PCDHA3: variants seen among roughly 807,000 people sequenced by gnomAD.
The protein encoded by PCDHA3 is protocadherin alpha-3.
PCDHA3 carries 41 observed loss-of-function variants against 62.2 expected under a neutral mutation model. That is an observed-to-expected ratio of 0.66 (90% CI 0.51 to 0.86). The LOEUF is 0.86. PCDHA3 is among the 40% of genes least tolerant of loss of function. The pLI is 0.00. For synonymous variants in PCDHA3, 640 were observed against 555.4 expected, an observed-to-expected ratio of 1.15 and a Z score of -2.14; for missense variants, 1,304 against 1,241.2, an observed-to-expected ratio of 1.05 and a Z score of -0.76.
chr5:140,802,440 C>G lies in PCDHA3; in HGVS notation c.1243C>G (p.Arg415Gly), dbSNP rs782205225. Residue 415 changes from arginine (R) to glycine (G), a missense_variant, in exon 1 of 4, where the codon CGC (arginine) becomes GGC (glycine). By Grantham distance (125) the Arg-to-Gly change is moderately radical. Coordinates refer to ENST00000522353, the MANE Select transcript of PCDHA3 (RefSeq NM_018906.3). ...YSLVLDSPLD[R>G]ESVSAYELVV... The stretch of plus-strand genomic sequence containing the variant: ...ATTGGTGCTGGACAGCCCTCTGGAC[C>G]GCGAGAGCGTGTCGGCCTATGAGCT... 5.6e-6 allele frequency: 9 copies of G among 1,614,204 alleles called. No individual in the cohort carries two copies. The South Asian group carries it at 7.7e-5, about 14-fold the overall frequency.
At chr5:140,873,336 C>A (rs1436932142) in intron 1 of PCDHA3, among the ~76,000 whole-genome samples, 1 of 152,168 alleles carries the variant, frequency 6.6e-6, no homozygotes, top group African/African-American at 2.4e-5. Flanking sequence ...ATACATTACT[C>A]ATCTCCAGAT....
chr5:140,869,442 G>A (rs782686984), intron 1 of PCDHA3: 3 of 1,614,208 alleles, frequency 1.9e-6, no homozygotes, highest in African/African-American at 1.3e-5. Flanking sequence ...TGGACAGGCC[G>A]CTGCAGGTTT....
chr5:140,859,387 C>A, intron 1 of PCDHA3: 2 of 268,138 alleles, frequency 7.5e-6, no homozygotes, highest in South Asian at 8.3e-5. Context: ...CTTCTCTAGT[C>A]ATCTTAAACA....
chr5:140,853,607 T>C, intron 1 of PCDHA3: 1 of 987,062 alleles, frequency 1.0e-6, no homozygotes, highest in Non-Finnish European at 1.2e-6. Context: ...GCAAAGGGGG[T>C]GCTGTAAATA....
In PCDHA3 at chr5:140,848,080, C is replaced by T. The variant is rs114595741; in HGVS notation, c.2394+44489C>T. 638 of 165,510 alleles carry T rather than the reference C, an allele frequency of 3.9e-3. 35 individuals carry two copies. Among genetic ancestry groups the T allele is most frequent in the African/African-American group, 0.014 (569 of 41,328 alleles). 10.3% of individuals were successfully genotyped at this position (165,510 alleles called of 1,614,324 possible). A position where few individuals can be genotyped will look rare whatever the true frequency, so the allele number is the denominator to read the frequency against. ...ACTTCATTTCTGTCGTTATTTAAAA[C>T]TTAAGTGGAGAGTTTTCTCAGGGAT... On this transcript the variant is annotated intron_variant, in intron 1 of 3. Transcript: ENST00000522353.
In PCDHA3 at chr5:140,803,607, T is replaced by G. The variant is rs201656415; in HGVS notation, c.2394+16T>G. On this transcript the variant is annotated intron_variant, in intron 1 of 3. Transcript: ENST00000522353. ...CTCAGCCAAAGTGAGTAATTTTTATTTATTCTTTCCAAAATGTCTTTGTTT... is the reference window on the plus strand; with the variant it reads ...CTCAGCCAAAGTGAGTAATTTTTATGTATTCTTTCCAAAATGTCTTTGTTT... 1.2e-6 allele frequency: 2 copies of G among 1,614,172 alleles called. No individual in the cohort carries two copies. The highest frequency in any genetic ancestry group is 1.7e-6 in the Non-Finnish European group (2 of 1,180,014).
chr5:140,936,941 T>C (rs547536853), intron 1 of PCDHA3, among the ~76,000 whole-genome samples: 14 of 152,342 alleles, frequency 9.2e-5, no homozygotes, highest in Non-Finnish European at 1.3e-4. Flanking sequence ...GAAAATATCT[T>C]ATTTTGATCT....
intron 1 of PCDHA3, chr5:140,882,277 T>C: frequency 1.9e-6 from 3 of 1,612,528 alleles, no homozygotes; most frequent in African/African-American, 1.3e-5. Flanking sequence ...CCATGCTGTC[T>C]TCCTGGCAAG....
chr5:140,870,194 C>G, intron 1 of PCDHA3: 1 of 1,614,168 alleles, frequency 6.2e-7, no homozygotes, highest in Non-Finnish European at 8.5e-7. Context: ...GACGCTCAGC[C>G]CAGCACGGTC....
chr5:140,981,673 C>T (rs1184909774), intron 2 of PCDHA3, among the ~76,000 whole-genome samples: 1 of 152,108 alleles, frequency 6.6e-6, no homozygotes, highest in African/African-American at 2.4e-5. Flanking sequence ...TTCCTTTCTT[C>T]CTTCCTCCCT....
chr5:140,856,108 C>A, intron 1 of PCDHA3: 1 of 1,598,026 alleles, frequency 6.3e-7, no homozygotes, highest in African/African-American at 1.3e-5. Context: ...TTCTTCTCCT[C>A]GCAGCCTGGG....
rs563178599 is a variant in PCDHA3, at chr5:140,863,384, C to G, written c.2394+59793C>G. The G allele has an allele frequency of 5.4e-5, 56 of 1,044,914 alleles. No homozygotes were observed. In the South Asian group the frequency reaches 6.5e-4, roughly 12 times the overall value. The allele number at this position is 1,044,914 out of a possible 1,614,324, so 64.7% of individuals were successfully genotyped here. On this transcript the variant is annotated intron_variant, in intron 1 of 3. Coordinates refer to ENST00000522353, the MANE Select transcript of PCDHA3 (RefSeq NM_018906.3). ...TGCTTGGCGCAGCTCACCGAGAGCT[C>G]GTGCATGCCGGGCAAGCCCACGCTG... is the stretch of plus-strand genomic sequence containing the variant.
intron 1 of PCDHA3, chr5:140,877,398 T>C: frequency 1.2e-6 from 2 of 1,613,870 alleles, no homozygotes; most frequent in Middle Eastern, 1.6e-4. Flanking sequence ...AGGCGGACGC[T>C]CCGCGCCACC....
chr5:140,971,718 G>A (rs1554233569), intron 1 of PCDHA3, among the ~76,000 whole-genome samples: 3 of 151,796 alleles, frequency 2.0e-5, no homozygotes, highest in Non-Finnish European at 2.9e-5. Flanking sequence ...ATAGATATAT[G>A]TATATCATAC....
rs2045092638 is a variant in PCDHA3, at chr5:140,858,000, A to G, written c.2394+54409A>G. The stretch of plus-strand genomic sequence containing the variant: ...CGCCAGCGCCTACTGGTGCTGGTGA[A>G]GGACCATGGCGAGCCGTCGCTGACG... On this transcript the variant is annotated intron_variant, in intron 1 of 3. Coordinates refer to ENST00000522353, the MANE Select transcript of PCDHA3 (RefSeq NM_018906.3). 1.0e-5 allele frequency: 16 copies of G among 1,596,802 alleles called. 2 individuals carry two copies. Among genetic ancestry groups the G allele is most frequent in the Non-Finnish European group, 1.4e-5 (16 of 1,167,152 alleles).
At chr5:140,944,124 G>T (rs922088265) in intron 1 of PCDHA3, among the ~76,000 whole-genome samples, 10 of 152,200 alleles carry the variant, frequency 6.6e-5, no homozygotes, top group Admixed American at 6.5e-4. Context: ...TACCAGAGAA[G>T]AAAAGGTTGA....
At chr5:140,872,544 C>T (rs912822292) in intron 1 of PCDHA3, among the ~76,000 whole-genome samples, 1 of 152,126 alleles carries the variant, frequency 6.6e-6, no homozygotes, top group Admixed American at 6.5e-5. Context: ...AGAGGATCCC[C>T]TGAACCCAGG....
At chr5:140,823,423 C>T (rs2150125747) in intron 1 of PCDHA3, 14 of 1,613,304 alleles carry the variant, frequency 8.7e-6, no homozygotes, top group Non-Finnish European at 1.1e-5. Flanking sequence ...CAACGTGACG[C>T]TGCAGGTGTT....
rs782343836 is a variant in PCDHA3 at position 140,869,112 on chromosome 5, T to C, written c.2394+65521T>C. 17 of 1,604,108 alleles carry C rather than the reference T, an allele frequency of 1.1e-5. No individual in the cohort carries two copies. The South Asian group carries it at 1.5e-4, about 15-fold the overall frequency. On this transcript the variant is annotated intron_variant, in intron 1 of 3. Coordinates refer to ENST00000522353, the MANE Select transcript of PCDHA3 (RefSeq NM_018906.3). ...AGCCAATTTCGTATGCGATGTTTGG[T>C]TTTCAGAGAAGGGGATTGGGCACCC...
Sources: gnomAD v4.1 joint callset for allele counts (sites outside exome capture counted in the v4.1 genomes callset) on GRCh38, gnomAD v4.1.1 for gene constraint, MANE v1.5 for transcripts, NCBI Gene and HGNC (gene_info 2026-07-23, HGNC 2026-07-21) for gene names.